SPOCK3: variants seen among roughly 807,000 people sequenced by gnomAD.
SPOCK3 encodes the protein SPARC (osteonectin), cwcv and kazal like domains proteoglycan 3.
In SPOCK3, 30 loss-of-function variants were observed where a neutral mutation model predicts 56.6. That is an observed-to-expected ratio of 0.53 (90% CI 0.40 to 0.72). The LOEUF (loss-of-function observed/expected upper bound fraction) is 0.72. Ranked by LOEUF, SPOCK3 falls within the 30% of genes least tolerant of loss-of-function variation. The pLI, the probability that SPOCK3 is intolerant of heterozygous loss-of-function variation, is 0.00. For missense variants in SPOCK3, 527 were observed against 530.0 expected (o/e 0.99, Z 0.06); for synonymous variants, 196 against 183.3 (o/e 1.07, Z -0.56).
At chr4:167,160,395 T>A (rs1163396760) in intron 2 of SPOCK3, among the ~76,000 whole-genome samples, 2 of 151,802 alleles carry the variant, frequency 1.3e-5, no homozygotes, top group Non-Finnish European at 2.9e-5. Flanking sequence ...TAAAAGAGGA[T>A]ACAAACAAAT....
At chr4:166,737,627 TACAA>T in intron 9 of SPOCK3, 23 bp from the exon 10 acceptor site, 1 of 1,595,542 alleles carries the variant, frequency 6.3e-7, no homozygotes, top group Non-Finnish European at 8.5e-7. Context: ...CACACAGGCA[TACAA>T]ACACACACAT....
At chr4:167,155,906 G>A (rs1208671129) in intron 2 of SPOCK3, among the ~76,000 whole-genome samples, 1 of 152,016 alleles carries the variant, frequency 6.6e-6, no homozygotes, top group East Asian at 1.9e-4. Flanking sequence ...GTTGATAGGT[G>A]CAGCAAACCA....
At chr4:166,952,539 C>T (rs1273071390) in intron 4 of SPOCK3, among the ~76,000 whole-genome samples, 1 of 152,150 alleles carries the variant, frequency 6.6e-6, no homozygotes, top group Admixed American at 6.5e-5. Context: ...ATGCCATCCC[C>T]ATCAAGCTAC....
intron 6 of SPOCK3, among the ~76,000 whole-genome samples, chr4:166,851,081 GAA>G (rs1418972885): frequency 2.6e-5 from 4 of 152,338 alleles, no homozygotes; most frequent in African/African-American, 9.6e-5. Context: ...TGACAGCTTT[GAA>G]GAGAGCAGTG....
At chr4:166,790,907 C>A (rs79765506) in intron 7 of SPOCK3, among the ~76,000 whole-genome samples, 1 of 152,150 alleles carries the variant, frequency 6.6e-6, no homozygotes, top group Non-Finnish European at 1.5e-5. Flanking sequence ...GAAACCTTCT[C>A]CCCACTCCAG....
At chr4:167,191,321 G>A (rs1000248912) in intron 2 of SPOCK3, among the ~76,000 whole-genome samples, 1 of 145,724 alleles carries the variant, frequency 6.9e-6, no homozygotes, top group African/African-American at 2.6e-5. Flanking sequence ...TTATTGAAAT[G>A]AAATTACCCT....
intron 7 of SPOCK3, among the ~76,000 whole-genome samples, chr4:166,789,665 T>A (rs1560859307): frequency 6.6e-6 from 1 of 151,998 alleles, no homozygotes; most frequent in Non-Finnish European, 1.5e-5. Context: ...GCTTTTTAGT[T>A]CCCCCTATTT....
intron 5 of SPOCK3, among the ~76,000 whole-genome samples, chr4:166,900,533 C>T (rs1045314603): frequency 6.6e-5 from 10 of 152,126 alleles, no homozygotes; most frequent in African/African-American, 2.4e-4. Flanking sequence ...CTATTTTAAA[C>T]ATTGAGAATT....
chr4:166,995,548 T>C (rs2150119703), intron 4 of SPOCK3, among the ~76,000 whole-genome samples: 1 of 152,110 alleles, frequency 6.6e-6, no homozygotes, highest in Non-Finnish European at 1.5e-5. Context: ...AAATCTGAAA[T>C]CTACACTTTG....
rs995449328 is a variant in SPOCK3, at chr4:167,107,805, G to T, written c.190-45268C>A. On this transcript the variant is annotated intron_variant, in intron 2 of 10. Transcript: ENST00000357545. ...TGGCATTTCTATATGCCAACAGTGA[G>T]CAATGTGAAAAAGAAATTAAAAAGT... Among the ~76,000 whole-genome samples, 7 of 151,880 alleles carry T rather than the reference G, an allele frequency of 4.6e-5. No individual in the cohort carries two copies. The East Asian group carries it at 1.2e-3, about 25-fold the overall frequency.
chr4:166,915,393 T>C (rs1001073521), intron 4 of SPOCK3, among the ~76,000 whole-genome samples: 13 of 152,196 alleles, frequency 8.5e-5, no homozygotes, highest in African/African-American at 3.1e-4. Context: ...TCAGAATTAG[T>C]GTTCTTCTTA....
intron 10 of SPOCK3, among the ~76,000 whole-genome samples, chr4:166,736,328 A>G (rs1434010030): frequency 6.6e-6 from 1 of 152,138 alleles, no homozygotes; most frequent in Non-Finnish European, 1.5e-5. Flanking sequence ...CATTGTCATC[A>G]ATGACAACAG....
intron 6 of SPOCK3, among the ~76,000 whole-genome samples, chr4:166,851,179 A>C (rs1454048414): frequency 6.6e-6 from 1 of 152,178 alleles, no homozygotes; most frequent in Non-Finnish European, 1.5e-5. Context: ...CGAGCAGCCT[A>C]ACTGGGAGGC....
intron 2 of SPOCK3, among the ~76,000 whole-genome samples, chr4:167,108,278 AT>A (rs1381725247): frequency 1.3e-5 from 2 of 151,952 alleles, no homozygotes; most frequent in Non-Finnish European, 2.9e-5. Flanking sequence ...TTGAGCTACC[AT>A]TTGATCCAGC....
intron 4 of SPOCK3, among the ~76,000 whole-genome samples, chr4:166,928,588 G>C (rs1387167499): frequency 2.0e-5 from 3 of 152,154 alleles, no homozygotes. Context: ...AAACTACTCT[G>C]TATGATAGTA....
chr4:166,737,400 G>T lies in SPOCK3; in HGVS notation c.1132+67C>A, dbSNP rs545099574. On this transcript the variant is annotated intron_variant, in intron 10 of 10. Coordinates refer to ENST00000357545, the MANE Select transcript of SPOCK3 (RefSeq NM_001040159.2). ...GTCCTCATTAAATGCTTGAACAAATGAATGAGGCTCTAAAGCACTTAATTC... is the reference window on the plus strand; with the variant it reads ...GTCCTCATTAAATGCTTGAACAAATTAATGAGGCTCTAAAGCACTTAATTC... The T allele has an allele frequency of 3.7e-5, 55 of 1,489,314 alleles. No individual in the cohort carries two copies. The African/African-American group carries it at 6.0e-4, about 16-fold the overall frequency. 92.3% of individuals were successfully genotyped at this position (1,489,314 alleles called of 1,614,324 possible). A position where few individuals can be genotyped will look rare whatever the true frequency, so the allele number is the denominator to read the frequency against.
intron 2 of SPOCK3, among the ~76,000 whole-genome samples, chr4:167,212,984 A>T (rs1735026071): frequency 1.3e-5 from 2 of 152,172 alleles, no homozygotes; most frequent in Admixed American, 6.5e-5. Context: ...ACCTTAGAAC[A>T]TTTGGTTTGG....
At chr4:167,093,054 C>A (rs1295693107) in intron 2 of SPOCK3, among the ~76,000 whole-genome samples, 3 of 151,978 alleles carry the variant, frequency 2.0e-5, no homozygotes, top group Admixed American at 6.6e-5. Context: ...AATTTTAATT[C>A]TTTTCAGTCA....
At chr4:166,828,272 T>C (rs1330549911) in intron 6 of SPOCK3, among the ~76,000 whole-genome samples, 1 of 151,998 alleles carries the variant, frequency 6.6e-6, no homozygotes, top group Non-Finnish European at 1.5e-5. Flanking sequence ...TTTAGTGCCA[T>C]GATACATTAT....
Sources: allele counts gnomAD v4.1 joint callset (sites outside exome capture counted in the v4.1 genomes callset), GRCh38; gene constraint gnomAD v4.1.1; transcripts MANE v1.5; gene names NCBI Gene and HGNC (gene_info 2026-07-23, HGNC 2026-07-21).